ZNF33B: variants seen among roughly 807,000 people sequenced by gnomAD.
ZNF33B encodes zinc finger protein 33B.
In ZNF33B, 29 loss-of-function variants were observed where a neutral mutation model predicts 45.8. The ratio of observed to expected loss-of-function variants is 0.63; its 90% CI spans 0.47 to 0.86. The LOEUF is 0.86. ZNF33B is among the 40% of genes least tolerant of loss of function. ZNF33B has a pLI of 0.00. For missense variants in ZNF33B, 831 were observed against 909.9 expected (o/e 0.91, Z 1.12); for synonymous variants, 305 against 307.8 (o/e 0.99, Z 0.10).
At chr10:42,638,328 G>A in intron 1 of ZNF33B, 146 bp downstream of exon 1, 1 of 310,160 alleles carries the variant, frequency 3.2e-6, no homozygotes, top group Non-Finnish European at 6.3e-6. Context: ...TAGCGTCCTG[G>A]TAGACATGCT....
intron 4 of ZNF33B, among the ~76,000 whole-genome samples, chr10:42,601,908 CTT>C (rs34431290): frequency 0.28 from 21,994 of 77,362 alleles, 1,314 homozygotes; most frequent in East Asian, 0.37. Context: ...ATGTGATATT[CTT>C]TTTTTTTTTT....
intron 4 of ZNF33B, among the ~76,000 whole-genome samples, chr10:42,627,175 TG>T (rs1023070039): frequency 6.6e-6 from 1 of 152,096 alleles, no homozygotes; most frequent in Non-Finnish European, 1.5e-5. Flanking sequence ...GGCTAATTTT[TG>T]TATTTTTAGA....
intron 4 of ZNF33B, among the ~76,000 whole-genome samples, chr10:42,626,776 CATT>C (rs1441804253): frequency 2.6e-5 from 4 of 152,038 alleles, no homozygotes; most frequent in East Asian, 3.9e-4. Flanking sequence ...GTAAAATCAT[CATT>C]AATTCTTGTG....
At chr10:42,614,035 T>C (rs1435074039) in intron 4 of ZNF33B, among the ~76,000 whole-genome samples, 11 of 152,222 alleles carry the variant, frequency 7.2e-5, no homozygotes, top group Non-Finnish European at 7.3e-5. Context: ...CAGAGTAACA[T>C]TGTTCCGATG....
At chr10:42,612,733 G>A (rs945444075) in intron 4 of ZNF33B, among the ~76,000 whole-genome samples, 4 of 152,286 alleles carry the variant, frequency 2.6e-5, no homozygotes, top group South Asian at 2.1e-4. Flanking sequence ...TGTTAGGAAG[G>A]TTCCCTTTGC....
At chr10:42,608,914 T>C (rs1283921210) in intron 4 of ZNF33B, among the ~76,000 whole-genome samples, 5 of 147,944 alleles carry the variant, frequency 3.4e-5, no homozygotes, top group Non-Finnish European at 3.0e-5. Flanking sequence ...AATTACTAAA[T>C]GTAGGGATTA....
intron 1 of ZNF33B, among the ~76,000 whole-genome samples, chr10:42,575,305 C>A (rs148673117): frequency 2.4e-4 from 37 of 152,140 alleles, no homozygotes; most frequent in Middle Eastern, 3.4e-3. Flanking sequence ...ACAGGGCCAT[C>A]CTCCAGGGTG....
intron 4 of ZNF33B, among the ~76,000 whole-genome samples, chr10:42,609,897 C>G (rs7097766): frequency 0.15 from 22,883 of 152,072 alleles, 2,522 homozygotes; most frequent in African/African-American, 0.31. Flanking sequence ...ACCAGGAATA[C>G]AGTTAAACTT....
chr10:42,617,714 GCCTT>G lies in ZNF33B; in HGVS notation c.250+14211_250+14214del, dbSNP rs1838388216. Reference sequence around the variant, plus strand: ...ACTACAGCCATCTCCCACCCTCTCTGCCTTCCTAACGCTGGCAACCACGAATCTG... The same window carrying G: ...ACTACAGCCATCTCCCACCCTCTCTGCCTAACGCTGGCAACCACGAATCTG... On this transcript the variant is annotated intron_variant, in intron 4 of 4. Transcript: ENST00000359467. 3.3e-5 allele frequency among the ~76,000 whole-genome samples: 5 copies of G among 152,094 alleles called. No homozygotes were observed. In the South Asian group the frequency reaches 1.0e-3, roughly 31 times the overall value.
intron 2 of ZNF33B, among the ~76,000 whole-genome samples, chr10:42,634,515 T>C (rs1057032089): frequency 2.0e-5 from 3 of 152,148 alleles, no homozygotes; most frequent in Non-Finnish European, 4.4e-5. Context: ...TGCAAGGAAC[T>C]AGGAAGAGCC....
At chr10:42,578,186 C>T (rs1223172815) in intron 1 of ZNF33B, among the ~76,000 whole-genome samples, 1 of 152,202 alleles carries the variant, frequency 6.6e-6, no homozygotes, top group Non-Finnish European at 1.5e-5. Context: ...CACAGGCCCA[C>T]GCCTCCCAGA....
At position 42,594,451 on chromosome 10, in the gene ZNF33B, A is replaced by G; in HGVS notation, c.499T>C (p.Ser167Pro). The change falls in exon 5 of 5, where the codon TCT (serine) becomes CCT (proline). Residue 167 changes from serine (S) to proline (P), a missense_variant. Physicochemically the swap from Ser to Pro is moderately conservative, Grantham distance 74. Coordinates refer to ENST00000359467, the MANE Select transcript of ZNF33B (RefSeq NM_006955.3). ...TTCCCACATGCATTAAATTCGTCAGACTTTTTTCCTAAATAGTTTATCTTA... is the reference window on the plus strand; with the variant it reads ...TTCCCACATGCATTAAATTCGTCAGGCTTTTTTCCTAAATAGTTTATCTTA... ...ISKINYLGKKSDEFNACGKLL... is the reference protein window; with the variant it reads ...ISKINYLGKKPDEFNACGKLL... 1.9e-6 allele frequency: 3 copies of G among 1,613,638 alleles called. No individual in the cohort carries two copies. Among genetic ancestry groups the G allele is most frequent in the Non-Finnish European group, 2.5e-6 (3 of 1,179,810 alleles).
At chr10:42,614,526 T>C (rs1323732065) in intron 4 of ZNF33B, among the ~76,000 whole-genome samples, 1 of 152,234 alleles carries the variant, frequency 6.6e-6, no homozygotes, top group Non-Finnish European at 1.5e-5. Flanking sequence ...CACCCTAATA[T>C]GTTAATAACA....
chr10:42,637,837 G>A (rs760128453), intron 1 of ZNF33B, among the ~76,000 whole-genome samples: 2 of 152,132 alleles, frequency 1.3e-5, no homozygotes, highest in Non-Finnish European at 2.9e-5. Flanking sequence ...ATTTTTAGTA[G>A]AGACGGGGAT....
intron 4 of ZNF33B, among the ~76,000 whole-genome samples, chr10:42,616,615 G>A (rs1838328961): frequency 6.6e-6 from 1 of 152,160 alleles, no homozygotes; most frequent in Admixed American, 6.5e-5. Context: ...TAAAACTGGT[G>A]ATACAAGAGA....
At chr10:42,608,543 TA>T (rs368346792) in intron 4 of ZNF33B, among the ~76,000 whole-genome samples, 4 of 150,274 alleles carry the variant, frequency 2.7e-5, no homozygotes, top group East Asian at 1.9e-4. Flanking sequence ...ATTCCAAAGT[TA>T]AAAAAAAAGT....
intron 1 of ZNF33B, among the ~76,000 whole-genome samples, chr10:42,577,780 T>C (rs779939557): frequency 3.9e-5 from 6 of 152,160 alleles, no homozygotes; most frequent in Non-Finnish European, 7.3e-5. Context: ...TTGTAGATAA[T>C]GTATGCTTAT....
chr10:42,634,616 C>T (rs1254960487), intron 2 of ZNF33B, among the ~76,000 whole-genome samples: 1 of 152,098 alleles, frequency 6.6e-6, no homozygotes, highest in Non-Finnish European at 1.5e-5. Context: ...ACCAACAGAA[C>T]ACAGTCCAAA....
In ZNF33B at chr10:42,582,872, G is replaced by A. The variant is rs756372398; in HGVS notation, c.74-8194C>T. The A allele has an allele frequency of 2.0e-5, 8 of 405,110 alleles. No homozygotes were observed. In the Middle Eastern group the frequency reaches 1.0e-3, roughly 52 times the overall value. The allele number at this position is 405,110 out of a possible 1,614,324, so 25.1% of individuals were successfully genotyped here. ...AGCAGTGCCAGTGCACTTCCTCAGT[G>A]CATCTCTTTGAAGTAGAAACGTCTC... On this transcript the variant is annotated intron_variant, in intron 1 of 1. Coordinates refer to the ZNF33B transcript ENST00000462075.
Sources: gnomAD v4.1 joint callset for allele counts (sites outside exome capture counted in the v4.1 genomes callset) on GRCh38, gnomAD v4.1.1 for gene constraint, MANE v1.5 for transcripts, NCBI Gene and HGNC (gene_info 2026-07-23, HGNC 2026-07-21) for gene names.